Variants in ANXA4 observed in about 807,000 individuals in gnomAD.
The protein encoded by ANXA4 is 35-beta calcimedin.
A neutral mutation model predicts 49.8 loss-of-function variants in ANXA4; 39 were observed. That is an observed-to-expected ratio of 0.78 (90% confidence interval 0.61 to 1.02). The LOEUF is 1.02. Among genes scored for constraint, ANXA4 ranks in the 50% least tolerant of loss-of-function variants. The pLI is 0.00. For synonymous variants in ANXA4, 134 were observed against 152.5 expected (o/e 0.88, Z 0.89); for missense variants, 360 against 410.1 (o/e 0.88, Z 1.05).
chr2:69,694,388 T>G (rs1030673098), intron 2 of ANXA4, among the ~76,000 whole-genome samples: 2 of 151,966 alleles, frequency 1.3e-5, no homozygotes, highest in Admixed American at 6.6e-5. Context: ...AATTATACTT[T>G]AAGTTTTAGG....
chr2:69,726,452 A>G (rs1000121710), intron 3 of ANXA4, among the ~76,000 whole-genome samples: 1 of 152,214 alleles, frequency 6.6e-6, no homozygotes, highest in African/African-American at 2.4e-5. Flanking sequence ...GTCAGCTTAC[A>G]CTAGCTGTGT....
intron 2 of ANXA4, among the ~76,000 whole-genome samples, chr2:69,697,392 T>C (rs889985378): frequency 6.6e-6 from 1 of 152,226 alleles, no homozygotes; most frequent in African/African-American, 2.4e-5. Context: ...AGGCTTTGGA[T>C]GAAGGGAATG....
intron 3 of ANXA4, among the ~76,000 whole-genome samples, chr2:69,721,382 G>C (rs1343574345): frequency 6.6e-6 from 1 of 152,186 alleles, no homozygotes; most frequent in Non-Finnish European, 1.5e-5. Flanking sequence ...GTTTCACGTA[G>C]AGCAGCAATA....
chr2:69,752,614 C>A (rs1670890332), intron 1 of ANXA4, among the ~76,000 whole-genome samples: 1 of 152,216 alleles, frequency 6.6e-6, no homozygotes. Flanking sequence ...AATGTTCACA[C>A]CTTATTATAT....
chr2:69,647,037 G>A (rs1178199108), intron 1 of ANXA4, among the ~76,000 whole-genome samples: 1 of 152,206 alleles, frequency 6.6e-6, no homozygotes, highest in Non-Finnish European at 1.5e-5. Context: ...AGAGAACATA[G>A]GACATATGTA....
chr2:69,820,402 C>T (rs1573320876), intron 11 of ANXA4, among the ~76,000 whole-genome samples: 1 of 151,956 alleles, frequency 6.6e-6, no homozygotes, highest in East Asian at 1.9e-4. Flanking sequence ...GGATAATACT[C>T]CATGAGAAGG....
At chr2:69,703,879 A>G (rs1678408841) in intron 2 of ANXA4, among the ~76,000 whole-genome samples, 1 of 152,166 alleles carries the variant, frequency 6.6e-6, no homozygotes, top group Admixed American at 6.5e-5. Flanking sequence ...GATTCAAGCC[A>G]TCCTCCTACC....
chr2:69,656,187 ACG>A (rs199965532), intron 2 of ANXA4, among the ~76,000 whole-genome samples: 1,497 of 123,014 alleles, frequency 0.012, 132 homozygotes, highest in Admixed American at 0.11. Context: ...AAATATATAT[ACG>A]TATATATATA....
At chr2:69,691,658 A>G (rs1677975460) in intron 2 of ANXA4, among the ~76,000 whole-genome samples, 1 of 152,036 alleles carries the variant, frequency 6.6e-6, no homozygotes, top group South Asian at 2.1e-4. Context: ...CACAGAACCC[A>G]TTGAAACCCA....
chr2:69,778,049 A>G (rs1672031455), intron 1 of ANXA4, among the ~76,000 whole-genome samples: 2 of 152,198 alleles, frequency 1.3e-5, no homozygotes, highest in African/African-American at 2.4e-5. Context: ...ATTTTGTACA[A>G]TTTTCACATG....
chr2:69,645,320 T>C (rs562668665), intron 1 of ANXA4, among the ~76,000 whole-genome samples: 1 of 152,246 alleles, frequency 6.6e-6, no homozygotes, highest in Non-Finnish European at 1.5e-5. Context: ...CGAATTCATG[T>C]AGCCACCTCC....
intron 2 of ANXA4, among the ~76,000 whole-genome samples, chr2:69,707,472 T>A (rs1188394637): frequency 6.6e-6 from 1 of 152,248 alleles, no homozygotes; most frequent in Admixed American, 6.5e-5. Context: ...AAAGTAATTA[T>A]TACCTTAATT....
At chr2:69,682,107 C>T (rs954712171) in intron 2 of ANXA4, among the ~76,000 whole-genome samples, 1 of 152,192 alleles carries the variant, frequency 6.6e-6, no homozygotes, top group Non-Finnish European at 1.5e-5. Flanking sequence ...CTGATTCAGC[C>T]TCCCAAAGTG....
chr2:69,687,581 A>G (rs1330947123), intron 2 of ANXA4, among the ~76,000 whole-genome samples: 1 of 152,152 alleles, frequency 6.6e-6, no homozygotes, highest in Non-Finnish European at 1.5e-5. Context: ...CTATCTAAAG[A>G]GGAATGGGCT....
intron 12 of ANXA4, among the ~76,000 whole-genome samples, chr2:69,823,856 T>G (rs972461674): frequency 8.5e-5 from 13 of 152,318 alleles, no homozygotes; most frequent in African/African-American, 2.6e-4. Flanking sequence ...TAACAGATAC[T>G]TATTAAACTT....
intron 3 of ANXA4, among the ~76,000 whole-genome samples, chr2:69,803,070 A>G (rs1840341): frequency 0.48 from 71,833 of 151,064 alleles, 21,375 homozygotes; most frequent in African/African-American, 0.82. Flanking sequence ...GCATGGTGGC[A>G]GGCACCTGTA....
chr2:69,723,022 A>AAAAT (rs1553434906), intron 3 of ANXA4, among the ~76,000 whole-genome samples: 8 of 145,420 alleles, frequency 5.5e-5, no homozygotes, highest in African/African-American at 1.5e-4. Context: ...AATACCAAAA[A>AAAAT]ATATATATAT....
chr2:69,805,477 G>C (rs576045840), intron 4 of ANXA4, among the ~76,000 whole-genome samples: 1 of 151,986 alleles, frequency 6.6e-6, no homozygotes, highest in Admixed American at 6.5e-5. Flanking sequence ...ATGGTGGTGG[G>C]CACCTGTAAT....
chr2:69,679,600 G>A (rs1259158252), intron 2 of ANXA4, among the ~76,000 whole-genome samples: 1 of 152,022 alleles, frequency 6.6e-6, no homozygotes, highest in Non-Finnish European at 1.5e-5. Context: ...GTCCTAAAGT[G>A]TTTTCCCTAT....
Sources: allele counts gnomAD v4.1 joint callset (sites outside exome capture counted in the v4.1 genomes callset), GRCh38; gene constraint gnomAD v4.1.1; transcripts MANE v1.5; gene names NCBI Gene and HGNC (gene_info 2026-07-23, HGNC 2026-07-21).